SPECC1: variants seen among roughly 807,000 people sequenced by gnomAD.
SPECC1 encodes the protein cytospin-B.
In SPECC1, 62 loss-of-function variants were observed where a neutral mutation model predicts 104.1. That is an observed-to-expected ratio of 0.60 (90% CI 0.49 to 0.74). SPECC1 has a LOEUF of 0.74. SPECC1 is among the 30% of genes least tolerant of loss of function. The pLI is 0.00. For synonymous variants in SPECC1, 513 were observed against 501.6 expected, an observed-to-expected ratio of 1.02 and a Z score of -0.30; for missense variants, 1,306 against 1,310.5, an observed-to-expected ratio of 1.00 and a Z score of 0.05.
At chr17:20,263,120 T>C (rs1467498089) in intron 12 of SPECC1, among the ~76,000 whole-genome samples, 13 of 151,678 alleles carry the variant, frequency 8.6e-5, no homozygotes, top group Admixed American at 7.9e-4. Context: ...GTTTCAAGGA[T>C]GGACCATGCC....
chr17:20,284,901 G>A (rs1156847212), intron 12 of SPECC1, among the ~76,000 whole-genome samples: 1 of 152,192 alleles, frequency 6.6e-6, no homozygotes, highest in African/African-American at 2.4e-5. Flanking sequence ...TTTTTCCCAA[G>A]AAGCTTTGCT....
intron 7 of SPECC1, chr17:20,237,845 C>G (rs2039007664): frequency 5.0e-6 from 1 of 200,284 alleles, no homozygotes; most frequent in Admixed American, 6.2e-5. Context: ...TGGGTTTAAG[C>G]TATTCTCCTG....
intron 12 of SPECC1, among the ~76,000 whole-genome samples, chr17:20,287,681 T>C (rs1231337070): frequency 1.3e-5 from 2 of 151,898 alleles, no homozygotes; most frequent in African/African-American, 4.8e-5. Flanking sequence ...GAGCAGCCTC[T>C]GAGGTGCACA....
chr17:20,087,578 G>T (rs146293284), intron 1 of SPECC1, among the ~76,000 whole-genome samples: 112 of 152,264 alleles, frequency 7.4e-4, no homozygotes, highest in African/African-American at 2.6e-3. Context: ...CTTTGTAGAA[G>T]CTCCCTGGCT....
At position 20,279,472 on chromosome 17, in the gene SPECC1, G is replaced by A. The variant is rs200866140; in HGVS notation, c.2941-17489G>A. ...CGAGTAGCTGGGATTGCAGGCATGCGCCACCATGCCCGGCTAATTTTGTAT... is the reference window on the plus strand; with the variant it reads ...CGAGTAGCTGGGATTGCAGGCATGCACCACCATGCCCGGCTAATTTTGTAT... On this transcript the variant is annotated intron_variant, in intron 12 of 14. Coordinates refer to ENST00000395527, the MANE Select transcript of SPECC1 (RefSeq NM_001243439.2). Among the ~76,000 whole-genome samples the A allele has an allele frequency of 1.2e-3, 177 of 151,912 alleles. 1 individual carries two copies. The East Asian group carries it at 0.03, about 26-fold the overall frequency.
chr17:20,298,163 C>T (rs2041417949), intron 13 of SPECC1, among the ~76,000 whole-genome samples: 1 of 151,996 alleles, frequency 6.6e-6, no homozygotes, highest in African/African-American at 2.4e-5. Flanking sequence ...ACCAGCCTGC[C>T]CAACATGGTG....
chr17:20,042,472 G>T (rs923036214), intron 1 of SPECC1, among the ~76,000 whole-genome samples: 5 of 152,180 alleles, frequency 3.3e-5, no homozygotes, highest in Non-Finnish European at 4.4e-5. Context: ...CTCCTGGGTG[G>T]GAGTGGAAGT....
chr17:20,053,912 A>G (rs560570261), intron 1 of SPECC1, among the ~76,000 whole-genome samples: 18 of 152,360 alleles, frequency 1.2e-4, no homozygotes, highest in African/African-American at 4.3e-4. Flanking sequence ...GCTACACACC[A>G]GTATATAACC....
chr17:20,248,015 C>T (rs1196652398), intron 9 of SPECC1, among the ~76,000 whole-genome samples: 1 of 152,134 alleles, frequency 6.6e-6, no homozygotes, highest in Non-Finnish European at 1.5e-5. Context: ...TAAGTGCTTA[C>T]CCAGGACTGC....
At chr17:20,171,468 C>T (rs2151181564) in intron 3 of SPECC1, among the ~76,000 whole-genome samples, 1 of 152,330 alleles carries the variant, frequency 6.6e-6, no homozygotes, top group South Asian at 2.1e-4. Context: ...GAACCTTATG[C>T]TAACCCTTTC....
intron 3 of SPECC1, among the ~76,000 whole-genome samples, chr17:20,134,092 CAT>C (rs1367284718): frequency 7.3e-5 from 11 of 150,248 alleles, no homozygotes; most frequent in Admixed American, 3.3e-4. Context: ...ATATTACAAA[CAT>C]GTATATATTT....
chr17:20,099,706 A>C (rs937719958), intron 2 of SPECC1, among the ~76,000 whole-genome samples: 1 of 148,276 alleles, frequency 6.7e-6, no homozygotes, highest in Non-Finnish European at 1.5e-5. Context: ...AAAAAAAAAA[A>C]AAAAAAAAAA....
At chr17:20,217,282 T>TG (rs972062096) in intron 4 of SPECC1, among the ~76,000 whole-genome samples, 3 of 139,346 alleles carry the variant, frequency 2.2e-5, no homozygotes, top group Non-Finnish European at 4.7e-5. Flanking sequence ...TGTGTGTGTG[T>TG]TTTTTTTTTC....
chr17:20,270,081 A>G (rs1255518265), intron 12 of SPECC1, among the ~76,000 whole-genome samples: 1 of 152,104 alleles, frequency 6.6e-6, no homozygotes, highest in Admixed American at 6.5e-5. Context: ...CAGAAAGCAG[A>G]TGAGCGGTTG....
intron 14 of SPECC1, among the ~76,000 whole-genome samples, chr17:20,310,428 C>T (rs527507624): frequency 6.6e-6 from 1 of 152,240 alleles, no homozygotes; most frequent in South Asian, 2.1e-4. Context: ...GCCATTCTGA[C>T]TGGTGTGAGA....
At chr17:20,271,226 G>A (rs1290504132) in intron 12 of SPECC1, among the ~76,000 whole-genome samples, 1 of 150,566 alleles carries the variant, frequency 6.6e-6, no homozygotes, top group Non-Finnish European at 1.5e-5. Context: ...TTTTTTTTTT[G>A]TCATTTACCT....
chr17:20,278,936 G>A (rs888351337), intron 12 of SPECC1, among the ~76,000 whole-genome samples: 2 of 152,306 alleles, frequency 1.3e-5, no homozygotes, highest in South Asian at 2.1e-4. Flanking sequence ...GGTGATTTAA[G>A]TCCCTTGGTC....
Position 20,145,848 on chromosome 17 carries a change from T to C in SPECC1, c.283+35286T>C, listed in dbSNP as rs577854006. On this transcript the variant is annotated intron_variant, in intron 3 of 14. Transcript: ENST00000395527. Reference sequence around the variant, plus strand: ...GTCCACAGAGACTGCCACACTTGTTTTGTGGTGTTAATTTAAGGTCTAGTT... The same window carrying C: ...GTCCACAGAGACTGCCACACTTGTTCTGTGGTGTTAATTTAAGGTCTAGTT... Among the ~76,000 whole-genome samples, 4 of 152,348 alleles carry C rather than the reference T, an allele frequency of 2.6e-5. No homozygotes were observed. The South Asian group carries it at 8.3e-4, about 32-fold the overall frequency.
At chr17:20,165,717 G>A (rs1361532603) in intron 3 of SPECC1, among the ~76,000 whole-genome samples, 2 of 152,152 alleles carry the variant, frequency 1.3e-5, no homozygotes, top group African/African-American at 4.8e-5. Flanking sequence ...GTTGTTTCTT[G>A]ACTTTTTGAT....
Sources: allele counts gnomAD v4.1 joint callset (sites outside exome capture counted in the v4.1 genomes callset), GRCh38; gene constraint gnomAD v4.1.1; transcripts MANE v1.5; gene names NCBI Gene and HGNC (gene_info 2026-07-23, HGNC 2026-07-21).